CNTN5: variants seen among roughly 807,000 people sequenced by gnomAD.
The protein encoded by CNTN5 is contactin 5.
Under a neutral mutation model 129.1 loss-of-function variants are expected in CNTN5, and 77 were observed. The observed-to-expected ratio is 0.60, with a 90% CI of 0.50 to 0.72. The LOEUF (loss-of-function observed/expected upper bound fraction) is 0.72. Ranked by LOEUF, CNTN5 falls within the 30% of genes least tolerant of loss-of-function variation. CNTN5 has a pLI of 0.00. For synonymous variants in CNTN5, 509 were observed against 465.6 expected (o/e 1.09, Z -1.20); for missense variants, 1,478 against 1,328.8 (o/e 1.11, Z -1.75).
At chr11:99,107,804 A>G (rs7104427) in intron 1 of CNTN5, among the ~76,000 whole-genome samples, 78,907 of 151,322 alleles carry the variant, frequency 0.52, 20,809 homozygotes, top group East Asian at 0.61. Context: ...GGTGGCACGC[A>G]CCTGTAGCTC....
Position 99,060,834 on chromosome 11 carries a change from A to G in CNTN5, c.-210+39564A>G, listed in dbSNP as rs75419773. On this transcript the variant is annotated intron_variant, in intron 1 of 24. Coordinates refer to ENST00000524871, the MANE Select transcript of CNTN5 (RefSeq NM_014361.4). ...AAAAATCTGACTCAAAAGCTCTTCAAAGTGATATGTCTTCAGTGAAGGCTT... is the reference window on the plus strand; with the variant it reads ...AAAAATCTGACTCAAAAGCTCTTCAGAGTGATATGTCTTCAGTGAAGGCTT... 2.2e-4 allele frequency among the ~76,000 whole-genome samples: 33 copies of G among 152,264 alleles called. No homozygotes were observed. The East Asian group carries it at 6.4e-3, about 29-fold the overall frequency.
intron 13 of CNTN5, among the ~76,000 whole-genome samples, chr11:100,152,603 A>C (rs1947104892): frequency 6.6e-6 from 1 of 152,116 alleles, no homozygotes; most frequent in African/African-American, 2.4e-5. Context: ...TTGACTTCTT[A>C]TTCCTTGAGA....
chr11:100,331,540 C>T (rs1217190666), intron 21 of CNTN5, among the ~76,000 whole-genome samples: 1 of 152,112 alleles, frequency 6.6e-6, no homozygotes, highest in Non-Finnish European at 1.5e-5. Context: ...ACATTCTGTT[C>T]ATCAGCACAC....
intron 3 of CNTN5, among the ~76,000 whole-genome samples, chr11:99,819,017 A>G (rs1261439919): frequency 6.6e-6 from 1 of 151,464 alleles, no homozygotes; most frequent in Non-Finnish European, 1.5e-5. Context: ...CTCATACTAC[A>G]TAATAAATTT....
At chr11:99,453,536 C>G (rs1038306991) in intron 2 of CNTN5, among the ~76,000 whole-genome samples, 2 of 151,992 alleles carry the variant, frequency 1.3e-5, no homozygotes, top group Non-Finnish European at 2.9e-5. Context: ...AAGATAAAAA[C>G]AAGTAATTTT....
chr11:100,314,593 G>A (rs1456445080), intron 21 of CNTN5, among the ~76,000 whole-genome samples: 1 of 151,962 alleles, frequency 6.6e-6, no homozygotes, highest in Non-Finnish European at 1.5e-5. Context: ...TAATCAAACT[G>A]GAACCTATTT....
chr11:100,065,890 G>A (rs546254619), intron 10 of CNTN5, among the ~76,000 whole-genome samples: 8 of 151,828 alleles, frequency 5.3e-5, no homozygotes, highest in Middle Eastern at 3.2e-3. Flanking sequence ...TGTACGTTAG[G>A]TCTGATCTTT....
At chr11:99,314,660 C>T (rs1052566369) in intron 1 of CNTN5, among the ~76,000 whole-genome samples, 28 of 151,960 alleles carry the variant, frequency 1.8e-4, no homozygotes, top group South Asian at 1.7e-3. Context: ...ACTCCTATCC[C>T]TACTACTGCT....
chr11:99,484,394 A>G (rs1245129013), intron 2 of CNTN5, among the ~76,000 whole-genome samples: 1 of 152,212 alleles, frequency 6.6e-6, no homozygotes, highest in African/African-American at 2.4e-5. Context: ...GCTGGTGAGG[A>G]TGTGGAGAGA....
chr11:99,456,376 A>C (rs1007069756), intron 2 of CNTN5, among the ~76,000 whole-genome samples: 1 of 152,152 alleles, frequency 6.6e-6, no homozygotes, highest in Non-Finnish European at 1.5e-5. Flanking sequence ...TTACCTTTGG[A>C]TATCATTTCT....
At chr11:100,030,524 C>A (rs989079119) in intron 9 of CNTN5, among the ~76,000 whole-genome samples, 1 of 152,150 alleles carries the variant, frequency 6.6e-6, no homozygotes, top group Non-Finnish European at 1.5e-5. Context: ...TAGATATGCA[C>A]AATCCATTGT....
intron 2 of CNTN5, among the ~76,000 whole-genome samples, chr11:99,388,847 G>A (rs922320544): frequency 6.6e-6 from 1 of 152,014 alleles, no homozygotes; most frequent in Non-Finnish European, 1.5e-5. Context: ...CTTACACACA[G>A]ACACAGACAC....
At chr11:99,528,517 G>A (rs1450964315) in intron 2 of CNTN5, among the ~76,000 whole-genome samples, 2 of 152,184 alleles carry the variant, frequency 1.3e-5, no homozygotes, top group African/African-American at 2.4e-5. Context: ...GAAAACCACA[G>A]TAAGTTACAA....
intron 23 of CNTN5, among the ~76,000 whole-genome samples, chr11:100,342,152 G>GACAC (rs3220443): frequency 0.035 from 5,117 of 146,962 alleles, 215 homozygotes; most frequent in African/African-American, 0.1. Flanking sequence ...ATAGATCACA[G>GACAC]ACACACACAC....
chr11:99,490,240 TCAC>T (rs2135346594), intron 2 of CNTN5, among the ~76,000 whole-genome samples: 1 of 152,348 alleles, frequency 6.6e-6, no homozygotes, highest in South Asian at 2.1e-4. Flanking sequence ...AGACAATTAT[TCAC>T]CAATTTTGAC....
chr11:99,309,151 C>A (rs1357951248), intron 1 of CNTN5, among the ~76,000 whole-genome samples: 1 of 150,354 alleles, frequency 6.7e-6, no homozygotes, highest in Non-Finnish European at 1.5e-5. Flanking sequence ...AATCTTATCA[C>A]TTTTTATTAA....
intron 3 of CNTN5, among the ~76,000 whole-genome samples, chr11:99,602,015 G>A (rs895595997): frequency 1.3e-5 from 2 of 151,836 alleles, no homozygotes; most frequent in Admixed American, 6.6e-5. Flanking sequence ...ACTAACAAAT[G>A]TTTTAAATAT....
At chr11:99,473,226 C>T (rs1217912313) in intron 2 of CNTN5, among the ~76,000 whole-genome samples, 1 of 152,074 alleles carries the variant, frequency 6.6e-6, no homozygotes, top group African/African-American at 2.4e-5. Flanking sequence ...CTTGGAAAAT[C>T]TTTTGATACT....
intron 13 of CNTN5, among the ~76,000 whole-genome samples, chr11:100,155,551 G>T (rs1306245768): frequency 6.6e-6 from 1 of 151,950 alleles, no homozygotes; most frequent in Non-Finnish European, 1.5e-5. Context: ...TTCTAATTCT[G>T]GGAAGAAAGT....
Sources: gnomAD v4.1 joint callset for allele counts (sites outside exome capture counted in the v4.1 genomes callset) on GRCh38, gnomAD v4.1.1 for gene constraint, MANE v1.5 for transcripts, NCBI Gene and HGNC (gene_info 2026-07-23, HGNC 2026-07-21) for gene names.